The following KCNQ5 variants were observed in gnomAD, a reference collection of about 807,000 sequenced individuals.
KCNQ5 encodes the protein potassium voltage-gated channel subfamily Q member 5, also known as potassium voltage-gated channel subfamily KQT member 5.
A neutral mutation model predicts 98.2 loss-of-function variants in KCNQ5; 30 were observed. The ratio of observed to expected loss-of-function variants is 0.31; its 90% CI spans 0.23 to 0.41. The LOEUF (loss-of-function observed/expected upper bound fraction) is 0.41. KCNQ5 is among the 10% of genes least tolerant of loss of function. KCNQ5 has a pLI of 1.00. For missense variants in KCNQ5, 835 were observed against 1,182.5 expected (o/e 0.71, Z 4.31); for synonymous variants, 458 against 449.4 (o/e 1.02, Z -0.24).
intron 1 of KCNQ5, among the ~76,000 whole-genome samples, chr6:72,961,324 A>G (rs1767332139): frequency 6.6e-6 from 1 of 152,136 alleles, no homozygotes; most frequent in Non-Finnish European, 1.5e-5. Context: ...GTTAAAGTGG[A>G]GTGGACTGGA....
At chr6:72,963,521 A>T (rs1379570317) in intron 1 of KCNQ5, among the ~76,000 whole-genome samples, 3 of 152,222 alleles carry the variant, frequency 2.0e-5, no homozygotes, top group Non-Finnish European at 4.4e-5. Flanking sequence ...AAAATGCCTA[A>T]AATCTGGAAA....
rs144950190 is a variant in KCNQ5, at chr6:72,840,736, T to C, written c.399-163172T>C. On this transcript the variant is annotated intron_variant, in intron 1 of 13. Transcript: ENST00000370398. ...ACTGATTTTATAGAGAAAAACATTT[T>C]ACTATTTGCCAGAAACACCTTGCAA... 4.1e-3 allele frequency among the ~76,000 whole-genome samples: 632 copies of C among 152,342 alleles called. 5 individuals carry two copies. The highest frequency in any genetic ancestry group is 0.013 in the African/African-American group (537 of 41,588).
chr6:73,015,904 C>T (rs538449782), intron 2 of KCNQ5, among the ~76,000 whole-genome samples: 3 of 152,256 alleles, frequency 2.0e-5, no homozygotes, highest in African/African-American at 7.2e-5. Context: ...TTTCCTCTAA[C>T]TTTCCTCAGT....
intron 1 of KCNQ5, among the ~76,000 whole-genome samples, chr6:72,839,388 T>C (rs1776685908): frequency 6.6e-6 from 1 of 152,234 alleles, no homozygotes; most frequent in Non-Finnish European, 1.5e-5. Flanking sequence ...CCAAAATTTG[T>C]GTCATCTTTG....
chr6:72,788,980 G>A (rs1250957217), intron 1 of KCNQ5, among the ~76,000 whole-genome samples: 1 of 152,166 alleles, frequency 6.6e-6, no homozygotes, highest in Non-Finnish European at 1.5e-5. Context: ...AGAAATCCCA[G>A]AGGAGATACT....
chr6:73,079,842 A>G (rs1006603446), intron 5 of KCNQ5, among the ~76,000 whole-genome samples: 1 of 152,224 alleles, frequency 6.6e-6, no homozygotes, highest in Non-Finnish European at 1.5e-5. Context: ...TAAACTGAGA[A>G]AACAGGAGGC....
At chr6:72,627,123 G>C (rs2098918342) in intron 1 of KCNQ5, among the ~76,000 whole-genome samples, 2 of 152,142 alleles carry the variant, frequency 1.3e-5, no homozygotes, top group South Asian at 4.1e-4. Flanking sequence ...ACTGTTTCTG[G>C]CACATAGATA....
rs183222128 is a variant in KCNQ5 at position 72,829,917 on chromosome 6, G to C, written c.399-173991G>C. On this transcript the variant is annotated intron_variant, in intron 1 of 13. Coordinates refer to ENST00000370398, the MANE Select transcript of KCNQ5 (RefSeq NM_019842.4). ...GGGGCCTTAGATTTCTGTATTGATA[G>C]GTAAAGAGAGCCACACCAATAACAG... Among the ~76,000 whole-genome samples, 168 of 152,138 alleles carry C rather than the reference G, an allele frequency of 1.1e-3. 1 individual carries two copies. The highest frequency in any genetic ancestry group is 3.8e-3 in the African/African-American group (158 of 41,520).
chr6:72,809,708 G>A (rs1174535206), intron 1 of KCNQ5, among the ~76,000 whole-genome samples: 1 of 152,178 alleles, frequency 6.6e-6, no homozygotes, highest in East Asian at 1.9e-4. Context: ...CTACAATTCA[G>A]TCCTAAAAAT....
intron 1 of KCNQ5, among the ~76,000 whole-genome samples, chr6:72,929,676 G>A (rs573051766): frequency 6.6e-6 from 1 of 152,182 alleles, no homozygotes; most frequent in South Asian, 2.1e-4. Context: ...GTTTGAACCA[G>A]AAGTTTTATT....
intron 1 of KCNQ5, among the ~76,000 whole-genome samples, chr6:72,959,690 A>AT (rs895408492): frequency 3.3e-5 from 5 of 152,238 alleles, no homozygotes; most frequent in African/African-American, 1.2e-4. Flanking sequence ...ACACTGTCTC[A>AT]TTTTAGAGTT....
intron 3 of KCNQ5, among the ~76,000 whole-genome samples, chr6:73,068,484 C>T (rs1480986751): frequency 6.6e-6 from 1 of 152,078 alleles, no homozygotes; most frequent in Non-Finnish European, 1.5e-5. Flanking sequence ...TAAATTAGCT[C>T]AAATGTATGT....
At chr6:73,130,060 G>T (rs898018410) in intron 9 of KCNQ5, among the ~76,000 whole-genome samples, 1 of 152,208 alleles carries the variant, frequency 6.6e-6, no homozygotes, top group African/African-American at 2.4e-5. Flanking sequence ...AATAGTCGGC[G>T]TCCCGCGTAG....
At chr6:72,728,467 G>A (rs1246926756) in intron 1 of KCNQ5, among the ~76,000 whole-genome samples, 1 of 152,138 alleles carries the variant, frequency 6.6e-6, no homozygotes, top group African/African-American at 2.4e-5. Context: ...TGGTCTGTGT[G>A]CCTCTCATTG....
intron 1 of KCNQ5, among the ~76,000 whole-genome samples, chr6:72,941,776 T>C (rs1766327782): frequency 7.3e-6 from 1 of 137,904 alleles, no homozygotes; most frequent in South Asian, 2.5e-4. Flanking sequence ...TGATTGCTGG[T>C]TTCCTTCTCC....
chr6:72,826,037 G>A (rs1453069414), intron 1 of KCNQ5, among the ~76,000 whole-genome samples: 3 of 152,036 alleles, frequency 2.0e-5, no homozygotes, highest in East Asian at 1.9e-4. Context: ...AAGCCATTCT[G>A]ATTCTGGGGC....
chr6:73,144,311 C>T (rs2150473159), intron 10 of KCNQ5, among the ~76,000 whole-genome samples: 1 of 152,168 alleles, frequency 6.6e-6, no homozygotes, highest in South Asian at 2.1e-4. Context: ...TCTTCTTTTG[C>T]CATGTATAAT....
At chr6:72,841,467 G>A (rs1375449519) in intron 1 of KCNQ5, among the ~76,000 whole-genome samples, 1 of 152,008 alleles carries the variant, frequency 6.6e-6, no homozygotes, top group Non-Finnish European at 1.5e-5. Flanking sequence ...GGATATTGAT[G>A]ACAACTGGAG....
intron 1 of KCNQ5, among the ~76,000 whole-genome samples, chr6:72,913,113 A>C (rs1780006614): frequency 6.6e-6 from 1 of 152,174 alleles, no homozygotes; most frequent in African/African-American, 2.4e-5. Flanking sequence ...ATATACATTA[A>C]GCCTAATTTA....
Sources: allele counts gnomAD v4.1 joint callset (sites outside exome capture counted in the v4.1 genomes callset), GRCh38; gene constraint gnomAD v4.1.1; transcripts MANE v1.5; gene names NCBI Gene and HGNC (gene_info 2026-07-23, HGNC 2026-07-21).